The following WFDC11 variants were observed in gnomAD, a reference collection of about 807,000 sequenced individuals.
WFDC11 encodes protein WFDC11.
Under a neutral mutation model 9.9 loss-of-function variants are expected in WFDC11, and 9 were observed. The observed-to-expected ratio is 0.91, with a 90% CI of 0.55 to 1.58. The LOEUF (loss-of-function observed/expected upper bound fraction) is 1.58. WFDC11 is among the 40% of genes most tolerant of loss of function. The probability of loss-of-function intolerance (pLI) is 0.00; values close to 1 mark genes in which losing one functional copy is unlikely to be tolerated. For missense variants in WFDC11, 106 were observed against 101.7 expected, an observed-to-expected ratio of 1.04 and a Z score of -0.18; for synonymous variants, 32 against 33.3, an observed-to-expected ratio of 0.96 and a Z score of 0.13.
chr20:45,666,572 G>A (rs1196735716), intron 2 of WFDC11, among the ~76,000 whole-genome samples: 1 of 152,124 alleles, frequency 6.6e-6, no homozygotes, highest in Non-Finnish European at 1.5e-5. Context: ...CCTCCTCCAT[G>A]AGTATTTCTT....
chr20:45,657,290 G>A (rs1290312238), intron 2 of WFDC11, among the ~76,000 whole-genome samples: 1 of 152,038 alleles, frequency 6.6e-6, no homozygotes, highest in Non-Finnish European at 1.5e-5. Context: ...GTAGGGACAT[G>A]GATGAAGCTA....
At chr20:45,654,443 G>A (rs1225617057) in intron 2 of WFDC11, among the ~76,000 whole-genome samples, 1 of 152,144 alleles carries the variant, frequency 6.6e-6, no homozygotes, top group Admixed American at 6.6e-5. Context: ...TGTGTAGAGG[G>A]AAATTTATGA....
At chr20:45,665,361 A>G (rs1196766493) in intron 2 of WFDC11, among the ~76,000 whole-genome samples, 1 of 152,174 alleles carries the variant, frequency 6.6e-6, no homozygotes, top group Non-Finnish European at 1.5e-5. Flanking sequence ...GGGTTCAAAC[A>G]TCCTCCTTTA....
At chr20:45,654,070 A>C (rs1298176165) in intron 2 of WFDC11, among the ~76,000 whole-genome samples, 1 of 152,214 alleles carries the variant, frequency 6.6e-6, no homozygotes. Flanking sequence ...TCAGCTCTGC[A>C]CCAAGAGGAC....
chr20:45,654,866 C>A (rs1301280329), intron 2 of WFDC11, among the ~76,000 whole-genome samples: 1 of 152,178 alleles, frequency 6.6e-6, no homozygotes, highest in Non-Finnish European at 1.5e-5. Context: ...CCTACACCCT[C>A]CCAAGACTAA....
intron 2 of WFDC11, among the ~76,000 whole-genome samples, chr20:45,658,646 A>G (rs1358096131): frequency 1.3e-5 from 2 of 151,838 alleles, no homozygotes; most frequent in Non-Finnish European, 2.9e-5. Context: ...ATCTTTTCAA[A>G]GAACCAGCTT....
intron 1 of WFDC11, among the ~76,000 whole-genome samples, chr20:45,668,475 C>T (rs1196415536): frequency 6.8e-6 from 1 of 146,464 alleles, no homozygotes; most frequent in African/African-American, 2.6e-5. Context: ...ATTTACTTCT[C>T]TCCGTAGGAA....
intron 2 of WFDC11, among the ~76,000 whole-genome samples, chr20:45,666,512 C>T (rs562674813): frequency 2.6e-5 from 4 of 152,330 alleles, no homozygotes; most frequent in South Asian, 2.1e-4. Context: ...GCATTGATCA[C>T]GCTGGGAGCT....
intron 4 of WFDC11, 93 bp downstream of exon 4, chr20:45,649,164 G>T: frequency 6.8e-7 from 1 of 1,460,520 alleles, no homozygotes; most frequent in Admixed American, 2.1e-5. Flanking sequence ...TAGAATTTGG[G>T]GTACCTCAGT....
At chr20:45,653,709 A>G (rs1204788232) in intron 2 of WFDC11, among the ~76,000 whole-genome samples, 1 of 152,216 alleles carries the variant, frequency 6.6e-6, no homozygotes, top group Non-Finnish European at 1.5e-5. Flanking sequence ...AGACACACAT[A>G]CGCTCAAAAT....
chr20:45,655,829 CACAATA>C (rs1301601424), intron 2 of WFDC11, among the ~76,000 whole-genome samples: 3 of 152,114 alleles, frequency 2.0e-5, no homozygotes, highest in Admixed American at 2.0e-4. Context: ...AACTCCCATT[CACAATA>C]GCTTCAAAAA....
intron 2 of WFDC11, among the ~76,000 whole-genome samples, chr20:45,666,754 C>T (rs1333876232): frequency 1.3e-5 from 2 of 152,106 alleles, no homozygotes; most frequent in South Asian, 2.1e-4. Flanking sequence ...ATACAGCCAA[C>T]CTTTTCTTTG....
intron 2 of WFDC11, among the ~76,000 whole-genome samples, chr20:45,654,602 A>G (rs1982881135): frequency 1.3e-5 from 2 of 152,234 alleles, no homozygotes; most frequent in African/African-American, 4.8e-5. Context: ...TGAAGGAAAT[A>G]GAGACATAAA....
intron 2 of WFDC11, among the ~76,000 whole-genome samples, chr20:45,665,815 G>A (rs1983176877): frequency 6.6e-6 from 1 of 152,134 alleles, no homozygotes; most frequent in Admixed American, 6.5e-5. Flanking sequence ...GGGGCACTTG[G>A]CCATATGAGG....
intron 2 of WFDC11, among the ~76,000 whole-genome samples, chr20:45,662,327 A>G (rs1412620695): frequency 3.9e-5 from 6 of 152,308 alleles, no homozygotes; most frequent in Admixed American, 1.3e-4. Context: ...GGCTGAGACA[A>G]TGGGGTTTTC....
intron 1 of WFDC11, among the ~76,000 whole-genome samples, chr20:45,669,654 C>A (rs2145626431): frequency 6.6e-6 from 1 of 152,232 alleles, no homozygotes; most frequent in African/African-American, 2.4e-5. Flanking sequence ...ATACCAAAAT[C>A]TCTGGGACAC....
At chr20:45,650,457 G>T in intron 3 of WFDC11, 44 bp downstream of exon 3, 2 of 1,519,784 alleles carry the variant, frequency 1.3e-6, no homozygotes, top group Non-Finnish European at 1.8e-6. Flanking sequence ...TCAGAAACAA[G>T]CTCATCCCCC....
intron 4 of WFDC11, 62 bp downstream of exon 4, chr20:45,649,195 C>T (rs1982747679): frequency 1.3e-6 from 2 of 1,586,808 alleles, no homozygotes; most frequent in African/African-American, 2.7e-5. Flanking sequence ...GGAATAACAG[C>T]CTCCGAGAAG....
At position 45,649,305 on chromosome 20, in the gene WFDC11, ATT is replaced by A. The variant is rs1982750589; in HGVS notation, c.193_194del (p.Asn65LeufsTer26). 6.2e-7 allele frequency: 1 copy of A among 1,613,926 alleles called. No individual in the cohort carries two copies. The highest frequency in any genetic ancestry group is 8.5e-7 in the Non-Finnish European group (1 of 1,180,014). The stretch of plus-strand genomic sequence containing the variant: ...CACAATAGGTCCAGCAGCATGTGTA[ATT>A]TTTGTCTTTACATCTAAAGGCTTTA... Reference protein sequence around the residue: ...CSKAFRCKDKNYTCCWTYCGN... With the variant: ...CSKAFRCKDKXYTCCWTYCGN... On this transcript the variant is annotated frameshift_variant, in exon 4 of 5. Coordinates refer to ENST00000324384, the MANE Select transcript of WFDC11 (RefSeq NM_147197.2). LOFTEE classifies it low-confidence loss of function (END_TRUNC).
Sources: gnomAD v4.1 joint callset for allele counts (sites outside exome capture counted in the v4.1 genomes callset) on GRCh38, gnomAD v4.1.1 for gene constraint, MANE v1.5 for transcripts, NCBI Gene and HGNC (gene_info 2026-07-23, HGNC 2026-07-21) for gene names.